The following INPP4B variants were observed in gnomAD, a reference collection of about 807,000 sequenced individuals.
INPP4B encodes the protein inositol polyphosphate 4-phosphatase type II.
In INPP4B, 55 loss-of-function variants were observed where a neutral mutation model predicts 122.5. That is an observed-to-expected ratio of 0.45 (90% CI 0.36 to 0.56). The LOEUF (loss-of-function observed/expected upper bound fraction) is 0.56. Among genes scored for constraint, INPP4B ranks in the 20% least tolerant of loss-of-function variants. The pLI is 0.00. For missense variants in INPP4B, 1,000 were observed against 1,097.7 expected, an observed-to-expected ratio of 0.91 and a Z score of 1.26; for synonymous variants, 403 against 388.7, an observed-to-expected ratio of 1.04 and a Z score of -0.43.
chr4:142,270,971 CT>C (rs1187129558), intron 9 of INPP4B, among the ~76,000 whole-genome samples, 197 bp from the exon 10 acceptor site: 1 of 148,500 alleles, frequency 6.7e-6, no homozygotes. Context: ...TTTCTTTTTT[CT>C]TTTTTTTTGA....
At chr4:142,628,852 T>G (rs1239670952) in intron 2 of INPP4B, among the ~76,000 whole-genome samples, 5 of 152,028 alleles carry the variant, frequency 3.3e-5, no homozygotes, top group African/African-American at 1.2e-4. Flanking sequence ...ACAGGGAAGG[T>G]GTGCTGGGGA....
At chr4:142,344,295 T>C (rs1387159172) in intron 7 of INPP4B, among the ~76,000 whole-genome samples, 1 of 146,624 alleles carries the variant, frequency 6.8e-6, no homozygotes, top group Non-Finnish European at 1.5e-5. Flanking sequence ...TGTGGACATA[T>C]GTATATTTTT....
intron 15 of INPP4B, among the ~76,000 whole-genome samples, chr4:142,183,845 A>AT (rs1205131447): frequency 8.6e-5 from 13 of 151,982 alleles, no homozygotes; most frequent in African/African-American, 2.9e-4. Context: ...GACAAAATGT[A>AT]TTTTTTCTGT....
chr4:142,435,915 A>G (rs1810390540), intron 3 of INPP4B, among the ~76,000 whole-genome samples: 1 of 151,922 alleles, frequency 6.6e-6, no homozygotes, highest in Non-Finnish European at 1.5e-5. Context: ...CGGCATCACC[A>G]CTGCTGCTGT....
intron 3 of INPP4B, among the ~76,000 whole-genome samples, chr4:142,436,473 A>T (rs111784969): frequency 1.7e-3 from 252 of 152,282 alleles, no homozygotes; most frequent in African/African-American, 5.7e-3. Context: ...CACAAGGGTC[A>T]TCAGACACCC....
chr4:142,701,912 A>G (rs1761830331), intron 2 of INPP4B, among the ~76,000 whole-genome samples: 1 of 152,220 alleles, frequency 6.6e-6, no homozygotes, highest in Admixed American at 6.5e-5. Context: ...TTTGATGTCT[A>G]CTATACTATA....
At chr4:142,162,228 CAA>C (rs1310199803) in intron 16 of INPP4B, among the ~76,000 whole-genome samples, 1 of 148,444 alleles carries the variant, frequency 6.7e-6, no homozygotes, top group Non-Finnish European at 1.5e-5. Flanking sequence ...ATCAGAAAAA[CAA>C]AATAAAAAGC....
chr4:142,198,522 C>T (rs1176460832), intron 14 of INPP4B, among the ~76,000 whole-genome samples: 5 of 151,146 alleles, frequency 3.3e-5, no homozygotes, highest in African/African-American at 1.2e-4. Flanking sequence ...CATGCTTTTT[C>T]CCTATTTTTA....
intron 11 of INPP4B, among the ~76,000 whole-genome samples, chr4:142,256,273 C>A (rs2150308691): frequency 6.6e-6 from 1 of 151,508 alleles, no homozygotes; most frequent in East Asian, 2.0e-4. Flanking sequence ...AAATCGACAC[C>A]CTAACATCAC....
At chr4:142,609,319 G>A (rs773806131) in intron 2 of INPP4B, among the ~76,000 whole-genome samples, 7 of 151,866 alleles carry the variant, frequency 4.6e-5, no homozygotes, top group Non-Finnish European at 8.8e-5. Context: ...TTGCTGAGAG[G>A]CTCATTTAAT....
At chr4:142,586,344 C>A (rs1291833200) in intron 2 of INPP4B, among the ~76,000 whole-genome samples, 1 of 151,896 alleles carries the variant, frequency 6.6e-6, no homozygotes, top group Non-Finnish European at 1.5e-5. Context: ...ACAACAACAA[C>A]AACGACAACA....
At chr4:142,233,259 A>G (rs182208834) in intron 12 of INPP4B, among the ~76,000 whole-genome samples, 194 of 152,172 alleles carry the variant, frequency 1.3e-3, no homozygotes, top group African/African-American at 4.1e-3. Flanking sequence ...ATACAGAACA[A>G]TATATGAAAG....
At chr4:142,316,767 A>C (rs1767860216) in intron 7 of INPP4B, among the ~76,000 whole-genome samples, 1 of 152,238 alleles carries the variant, frequency 6.6e-6, no homozygotes. Context: ...AATATTGGAC[A>C]AAGGTAGAAA....
At chr4:142,196,252 T>G (rs1338569100) in intron 14 of INPP4B, among the ~76,000 whole-genome samples, 1 of 152,214 alleles carries the variant, frequency 6.6e-6, no homozygotes. Context: ...AACTCATCCC[T>G]TTTAGTGTTT....
At chr4:142,506,262 A>G (rs1349507338) in intron 2 of INPP4B, among the ~76,000 whole-genome samples, 1 of 152,176 alleles carries the variant, frequency 6.6e-6, no homozygotes, top group Non-Finnish European at 1.5e-5. Flanking sequence ...GAGGACAACA[A>G]GTGATAAATG....
At chr4:142,148,241 TTG>T (rs57032740) in intron 17 of INPP4B, among the ~76,000 whole-genome samples, 5 of 151,042 alleles carry the variant, frequency 3.3e-5, no homozygotes, top group Non-Finnish European at 4.4e-5. Flanking sequence ...GTGTGTGTGT[TTG>T]TGTGTGTGTG....
intron 2 of INPP4B, among the ~76,000 whole-genome samples, chr4:142,512,056 C>T (rs1263624336): frequency 6.6e-6 from 1 of 152,096 alleles, no homozygotes; most frequent in Non-Finnish European, 1.5e-5. Context: ...TAACCCAATT[C>T]AATTGACTCT....
intron 11 of INPP4B, among the ~76,000 whole-genome samples, chr4:142,256,576 C>T (rs925504738): frequency 1.3e-5 from 2 of 152,146 alleles, no homozygotes; most frequent in African/African-American, 2.4e-5. Context: ...ACTACAAACA[C>T]CTCTACGCAA....
At chr4:142,094,612 C>T (rs1412324950) in intron 23 of INPP4B, among the ~76,000 whole-genome samples, 1 of 152,196 alleles carries the variant, frequency 6.6e-6, no homozygotes, top group African/African-American at 2.4e-5. Flanking sequence ...GAGGCAGACA[C>T]ATAACCAGCC....
Sources: allele counts gnomAD v4.1 joint callset (sites outside exome capture counted in the v4.1 genomes callset), GRCh38; gene constraint gnomAD v4.1.1; transcripts MANE v1.5; gene names NCBI Gene and HGNC (gene_info 2026-07-23, HGNC 2026-07-21).